Variants in LRRC7 observed in about 807,000 individuals in gnomAD.
The protein encoded by LRRC7 is leucine-rich repeat-containing protein 7.
In LRRC7, 23 loss-of-function variants were observed where a neutral mutation model predicts 175.7. The observed-to-expected ratio is 0.13, with a 90% CI of 0.09 to 0.19. The LOEUF is 0.19. Among genes scored for constraint, LRRC7 ranks in the 10% least tolerant of loss-of-function variants. The pLI is 1.00. For missense variants in LRRC7, 1,354 were observed against 1,904.7 expected, an observed-to-expected ratio of 0.71 and a Z score of 5.38; for synonymous variants, 685 against 680.9, an observed-to-expected ratio of 1.01 and a Z score of -0.09.
chr1:69,771,426 C>T (rs75664847), intron 3 of LRRC7, among the ~76,000 whole-genome samples: 3,402 of 152,126 alleles, frequency 0.022, 55 homozygotes, highest in Middle Eastern at 0.075. Flanking sequence ...TCTGTAGTAT[C>T]CCAGTCATTT....
At chr1:70,121,488 C>T (rs972919213) in intron 26 of LRRC7, among the ~76,000 whole-genome samples, 2 of 151,988 alleles carry the variant, frequency 1.3e-5, no homozygotes, top group African/African-American at 2.4e-5. Context: ...AGGACAACAA[C>T]AATGGAACTG....
At chr1:69,798,962 G>T (rs1295871632) in intron 4 of LRRC7, among the ~76,000 whole-genome samples, 1 of 151,932 alleles carries the variant, frequency 6.6e-6, no homozygotes, top group East Asian at 1.9e-4. Context: ...AGTGAAGTTG[G>T]CATTTTTTTT....
At chr1:69,749,476 G>A (rs1169658860) in intron 2 of LRRC7, among the ~76,000 whole-genome samples, 1 of 152,096 alleles carries the variant, frequency 6.6e-6, no homozygotes, top group Non-Finnish European at 1.5e-5. Context: ...TGTGGATTTT[G>A]TTTAACAATG....
chr1:69,819,852 TA>T (rs1221237584), intron 4 of LRRC7, among the ~76,000 whole-genome samples: 2 of 152,260 alleles, frequency 1.3e-5, no homozygotes, highest in Admixed American at 1.3e-4. Flanking sequence ...TTGTCTGAAA[TA>T]AGTACAGATA....
Position 70,028,237 on chromosome 1 carries a change from G to C in LRRC7, c.1861G>C (p.Val621Leu), listed in dbSNP as rs778993760. 5 of 1,613,780 alleles carry C rather than the reference G, an allele frequency of 3.1e-6. No individual in the cohort carries two copies. The highest frequency in any genetic ancestry group is 4.2e-6 in the Non-Finnish European group (5 of 1,179,764). The change falls in exon 18 of 27, where the codon GTT becomes CTT. Residue 621 changes from valine (V) to leucine (L), a missense_variant. By Grantham distance (32) the Val-to-Leu change is conservative. Coordinates refer to ENST00000651989, the MANE Select transcript of LRRC7 (RefSeq NM_001370785.2). Reference sequence around the variant, plus strand: ...GGATTTAAAGAATATGGTAAAATCTGTTCAAAATTTGGTGGGTAAGCCAAG... The same window carrying C: ...GGATTTAAAGAATATGGTAAAATCTCTTCAAAATTTGGTGGGTAAGCCAAG... ...PEDLKNMVKS[V>L]QNLVGKPSHG...
chr1:69,827,468 T>C (rs1053967752), intron 5 of LRRC7, among the ~76,000 whole-genome samples: 1 of 152,186 alleles, frequency 6.6e-6, no homozygotes, highest in African/African-American at 2.4e-5. Context: ...TTAAACAGTT[T>C]TGAAATTCAT....
intron 7 of LRRC7, among the ~76,000 whole-genome samples, chr1:69,928,888 C>T (rs558496130): frequency 1.5e-4 from 23 of 152,208 alleles, no homozygotes; most frequent in Middle Eastern, 3.2e-3. Context: ...AGAAATCACC[C>T]GTCTTCTGCG....
chr1:69,576,623 A>G (rs1008883074), intron 1 of LRRC7, among the ~76,000 whole-genome samples: 7 of 152,376 alleles, frequency 4.6e-5, no homozygotes, highest in African/African-American at 1.7e-4. Flanking sequence ...TTTAAAAGAC[A>G]TAACTCCTTA....
At chr1:70,063,595 T>C (rs1459947390) in intron 23 of LRRC7, among the ~76,000 whole-genome samples, 1 of 152,072 alleles carries the variant, frequency 6.6e-6, no homozygotes. Context: ...GATGTCAAAA[T>C]GATAAGATTC....
intron 22 of LRRC7, among the ~76,000 whole-genome samples, chr1:70,044,809 G>A (rs1240704460): frequency 1.3e-5 from 2 of 152,068 alleles, no homozygotes; most frequent in Non-Finnish European, 2.9e-5. Context: ...CATTTAGATC[G>A]ATTAATGCCT....
chr1:70,009,925 A>T (rs1390872624), intron 11 of LRRC7, among the ~76,000 whole-genome samples: 1 of 152,010 alleles, frequency 6.6e-6, no homozygotes, highest in Non-Finnish European at 1.5e-5. Context: ...AGACTTGTGC[A>T]CTCATCCCAC....
At chr1:69,797,226 G>A (rs931554147) in intron 4 of LRRC7, among the ~76,000 whole-genome samples, 5 of 152,078 alleles carry the variant, frequency 3.3e-5, no homozygotes, top group Admixed American at 6.6e-5. Context: ...ATGACACTCC[G>A]ATAAGTAATG....
At chr1:69,691,037 T>C (rs1661794557) in intron 2 of LRRC7, among the ~76,000 whole-genome samples, 1 of 152,146 alleles carries the variant, frequency 6.6e-6, no homozygotes, top group African/African-American at 2.4e-5. Flanking sequence ...CAATGTTTCA[T>C]AATGTTCAGG....
chr1:69,851,570 C>T (rs907845480), intron 7 of LRRC7, among the ~76,000 whole-genome samples: 1 of 151,956 alleles, frequency 6.6e-6, no homozygotes, highest in East Asian at 1.9e-4. Context: ...ACTGGTGGCC[C>T]GGGAGTGGAA....
intron 1 of LRRC7, among the ~76,000 whole-genome samples, chr1:69,626,276 C>T (rs1266892210): frequency 1.3e-5 from 2 of 151,790 alleles, no homozygotes; most frequent in African/African-American, 4.8e-5. Context: ...CTGGCAGATG[C>T]CCCTGAGGAA....
In LRRC7 at chr1:69,850,646, C is replaced by T. The variant is rs754560873; in HGVS notation, c.647+12363C>T. Among the ~76,000 whole-genome samples the T allele has an allele frequency of 4.6e-5, 7 of 151,818 alleles. 1 individual carries two copies. Among genetic ancestry groups the T allele is most frequent in the Admixed American group, 1.3e-4 (2 of 15,192 alleles). ...TAGGTCCTTGCTGATGGACAGAATGCGTGGTGAAAAGAAAAAGTAGGAACC... is the reference window on the plus strand; with the variant it reads ...TAGGTCCTTGCTGATGGACAGAATGTGTGGTGAAAAGAAAAAGTAGGAACC... On this transcript the variant is annotated intron_variant, in intron 7 of 26. Coordinates refer to ENST00000651989, the MANE Select transcript of LRRC7 (RefSeq NM_001370785.2).
intron 7 of LRRC7, among the ~76,000 whole-genome samples, chr1:69,894,942 T>G (rs1245766820): frequency 6.6e-6 from 1 of 152,098 alleles, no homozygotes; most frequent in Non-Finnish European, 1.5e-5. Flanking sequence ...ACATAAAAAT[T>G]TAGGCCGGGG....
At chr1:69,683,342 T>A (rs139435692) in intron 2 of LRRC7, among the ~76,000 whole-genome samples, 1 of 152,300 alleles carries the variant, frequency 6.6e-6, no homozygotes, top group African/African-American at 2.4e-5. Context: ...CTCCCCAAAG[T>A]GGCTTTCCTG....
At chr1:70,016,379 A>G (rs1371847566) in intron 13 of LRRC7, 86 bp from the exon 14 acceptor site, 2 of 979,754 alleles carry the variant, frequency 2.0e-6, no homozygotes, top group Non-Finnish European at 2.9e-6. Flanking sequence ...GAATGAAACC[A>G]ACAAGTTAGA....
Sources: allele counts gnomAD v4.1 joint callset (sites outside exome capture counted in the v4.1 genomes callset), GRCh38; gene constraint gnomAD v4.1.1; transcripts MANE v1.5; gene names NCBI Gene and HGNC (gene_info 2026-07-23, HGNC 2026-07-21).